Variants in SNTB1 observed in about 807,000 individuals in gnomAD.
The protein encoded by SNTB1 is syntrophin beta 1, also known as beta-1-syntrophin.
In SNTB1, 36 loss-of-function variants were observed where a neutral mutation model predicts 48.9. The observed-to-expected ratio is 0.74, with a 90% CI of 0.56 to 0.97. SNTB1 has a LOEUF of 0.97. Ranked by LOEUF, SNTB1 falls within the 50% of genes least tolerant of loss-of-function variation. The pLI, the probability that SNTB1 is intolerant of heterozygous loss-of-function variation, is 0.00. For missense variants in SNTB1, 786 were observed against 703.4 expected (o/e 1.12, Z -1.33); for synonymous variants, 299 against 294.6 (o/e 1.01, Z -0.15).
chr8:120,623,379 C>G (rs1375707988), intron 3 of SNTB1, among the ~76,000 whole-genome samples: 2 of 152,324 alleles, frequency 1.3e-5, no homozygotes, highest in African/African-American at 4.8e-5. Flanking sequence ...TCAGCTGGAC[C>G]AGCTACACTG....
intron 1 of SNTB1, among the ~76,000 whole-genome samples, chr8:120,759,792 C>A (rs1278817647): frequency 6.6e-6 from 1 of 152,134 alleles, no homozygotes; most frequent in East Asian, 1.9e-4. Context: ...TAGTGTTCCC[C>A]ACAAGCCTAG....
intron 2 of SNTB1, among the ~76,000 whole-genome samples, chr8:120,670,555 A>G (rs74682683): frequency 0.01 from 1,548 of 152,332 alleles, 24 homozygotes; most frequent in African/African-American, 0.036. Context: ...TTGTAAGCAG[A>G]AGATGTCACT....
intron 2 of SNTB1, among the ~76,000 whole-genome samples, chr8:120,650,329 A>G (rs1817392163): frequency 6.6e-6 from 1 of 152,218 alleles, no homozygotes; most frequent in Non-Finnish European, 1.5e-5. Context: ...GAGCAGCATG[A>G]AACCACTAAA....
At chr8:120,714,508 T>G (rs1818524377) in intron 1 of SNTB1, among the ~76,000 whole-genome samples, 1 of 151,922 alleles carries the variant, frequency 6.6e-6, no homozygotes, top group South Asian at 2.1e-4. Flanking sequence ...GGCAAAAACA[T>G]TCTTCATTAG....
intron 2 of SNTB1, among the ~76,000 whole-genome samples, chr8:120,676,856 G>T (rs1464090264): frequency 6.6e-6 from 1 of 152,082 alleles, no homozygotes; most frequent in Non-Finnish European, 1.5e-5. Context: ...AGGAGTTCAA[G>T]AGCAGCCTGG....
intron 1 of SNTB1, 74 bp downstream of exon 1, chr8:120,811,199 G>A (rs934078553): frequency 3.7e-5 from 56 of 1,519,958 alleles, no homozygotes; most frequent in Non-Finnish European, 4.6e-5. Flanking sequence ...GTGAGTGTGA[G>A]TGTGAGCGTG....
chr8:120,697,110 T>A (rs1445173849), intron 1 of SNTB1, among the ~76,000 whole-genome samples: 1 of 152,194 alleles, frequency 6.6e-6, no homozygotes, highest in African/African-American at 2.4e-5. Context: ...GGAAGAGTAA[T>A]CCCAGAAATG....
intron 1 of SNTB1, among the ~76,000 whole-genome samples, chr8:120,793,860 T>C (rs764403023): frequency 1.4e-4 from 22 of 152,072 alleles, no homozygotes; most frequent in Non-Finnish European, 3.1e-4. Context: ...TTTTGAAATG[T>C]TCATATATTT....
intron 3 of SNTB1, among the ~76,000 whole-genome samples, chr8:120,602,257 C>A (rs1816432221): frequency 6.6e-6 from 1 of 152,186 alleles, no homozygotes; most frequent in Non-Finnish European, 1.5e-5. Context: ...AAACTTTTCA[C>A]AAAATGCTAT....
chr8:120,686,420 C>A (rs887812704), intron 2 of SNTB1, among the ~76,000 whole-genome samples: 10 of 152,260 alleles, frequency 6.6e-5, no homozygotes, highest in Admixed American at 6.5e-5. Context: ...ATGGCTGGTA[C>A]CTACTATATG....
intron 2 of SNTB1, among the ~76,000 whole-genome samples, chr8:120,660,274 T>C (rs1817569045): frequency 6.6e-6 from 1 of 152,264 alleles, no homozygotes; most frequent in Non-Finnish European, 1.5e-5. Flanking sequence ...CTGTTTCATC[T>C]ACATTGAAAA....
At chr8:120,640,387 T>A (rs1817169976) in intron 2 of SNTB1, among the ~76,000 whole-genome samples, 2 of 152,222 alleles carry the variant, frequency 1.3e-5, no homozygotes, top group African/African-American at 4.8e-5. Context: ...TCCTCCCTGA[T>A]TGCCCTGGCC....
intron 1 of SNTB1, among the ~76,000 whole-genome samples, chr8:120,741,153 G>A (rs186931177): frequency 1.9e-4 from 29 of 152,274 alleles, no homozygotes; most frequent in Non-Finnish European, 2.9e-4. Context: ...CTTCCTTTTG[G>A]ATGAGACATT....
At chr8:120,561,735 C>G (rs1815664107) in intron 4 of SNTB1, among the ~76,000 whole-genome samples, 1 of 152,102 alleles carries the variant, frequency 6.6e-6, no homozygotes, top group South Asian at 2.1e-4. Context: ...AAAATTGAAA[C>G]CATGAACAAA....
chr8:120,546,366 C>T (rs1195504377), intron 5 of SNTB1, among the ~76,000 whole-genome samples: 3 of 152,120 alleles, frequency 2.0e-5, no homozygotes, highest in Non-Finnish European at 4.4e-5. Context: ...TGAAAAACAC[C>T]GGGTTAAATA....
chr8:120,607,997 G>T (rs1429875151), intron 3 of SNTB1, among the ~76,000 whole-genome samples: 1 of 152,180 alleles, frequency 6.6e-6, no homozygotes, highest in Non-Finnish European at 1.5e-5. Flanking sequence ...GCCTCGTGAG[G>T]GTCTGGGGTT....
intron 2 of SNTB1, among the ~76,000 whole-genome samples, chr8:120,673,668 A>G (rs1203259342): frequency 6.6e-6 from 1 of 151,918 alleles, no homozygotes. Context: ...TCAGATTCCC[A>G]GAAGTGCCTG....
chr8:120,722,383 T>C (rs904269297), intron 1 of SNTB1, among the ~76,000 whole-genome samples: 1 of 152,208 alleles, frequency 6.6e-6, no homozygotes, highest in Non-Finnish European at 1.5e-5. Context: ...GTGTTCCTAT[T>C]TCTCCACATC....
At chr8:120,561,264 G>A (rs1815651057) in intron 4 of SNTB1, among the ~76,000 whole-genome samples, 1 of 142,404 alleles carries the variant, frequency 7.0e-6, no homozygotes, top group Admixed American at 7.4e-5. Flanking sequence ...AGGTTGGAGT[G>A]AGCCGAGATT....
Sources: allele counts gnomAD v4.1 joint callset (sites outside exome capture counted in the v4.1 genomes callset), GRCh38; gene constraint gnomAD v4.1.1; transcripts MANE v1.5; gene names NCBI Gene and HGNC (gene_info 2026-07-23, HGNC 2026-07-21).